WDR27: variants seen among roughly 807,000 people sequenced by gnomAD.
WDR27 encodes the protein WD repeat domain 27.
In WDR27, 100 loss-of-function variants were observed where a neutral mutation model predicts 114.4. The ratio of observed to expected loss-of-function variants is 0.87; its 90% CI spans 0.74 to 1.03. The LOEUF is 1.03. WDR27 is among the 50% of genes least tolerant of loss of function. WDR27 has a pLI of 0.00. For synonymous variants in WDR27, 449 were observed against 423.1 expected, an observed-to-expected ratio of 1.06 and a Z score of -0.75; for missense variants, 1,129 against 1,092.9, an observed-to-expected ratio of 1.03 and a Z score of -0.47.
intron 2 of WDR27, among the ~76,000 whole-genome samples, chr6:169,675,305 G>T (rs982592766): frequency 6.6e-6 from 1 of 152,144 alleles, no homozygotes; most frequent in African/African-American, 2.4e-5. Context: ...CCCATGCCTT[G>T]CTCCTGTTTT....
At chr6:169,583,463 T>TTGTG (rs150919690) in intron 23 of WDR27, among the ~76,000 whole-genome samples, 156 of 103,562 alleles carry the variant, frequency 1.5e-3, no homozygotes, top group African/African-American at 5.7e-3. Flanking sequence ...TCCTCTTTAA[T>TTGTG]TGTGTGTGTG....
intron 21 of WDR27, among the ~76,000 whole-genome samples, chr6:169,616,088 CA>C (rs965929122): frequency 4.6e-5 from 7 of 151,764 alleles, no homozygotes; most frequent in African/African-American, 1.7e-4. Flanking sequence ...ACAGTTTCTT[CA>C]AAAAAATGAT....
intron 1 of WDR27, among the ~76,000 whole-genome samples, chr6:169,697,784 TA>T (rs1786605216): frequency 6.6e-6 from 1 of 152,196 alleles, no homozygotes; most frequent in African/African-American, 2.4e-5. Context: ...CCACTCTCCT[TA>T]TCCTGCCCCT....
At chr6:169,517,698 A>C (rs1793849365) in intron 25 of WDR27, among the ~76,000 whole-genome samples, 1 of 152,148 alleles carries the variant, frequency 6.6e-6, no homozygotes, top group South Asian at 2.1e-4. Flanking sequence ...GGAATGCCTT[A>C]ATTTCTTCTA....
At chr6:169,624,323 G>C (rs1158494500) in intron 21 of WDR27, among the ~76,000 whole-genome samples, 1 of 152,178 alleles carries the variant, frequency 6.6e-6, no homozygotes, top group Admixed American at 6.5e-5. Context: ...GCGGCGTGTG[G>C]CATCAGATAC....
intron 25 of WDR27, among the ~76,000 whole-genome samples, chr6:169,490,973 C>T (rs937522045): frequency 6.6e-6 from 1 of 152,180 alleles, no homozygotes; most frequent in African/African-American, 2.4e-5. Flanking sequence ...GCCATCCGTA[C>T]ACCACTCATC....
At chr6:169,571,480 T>A (rs1025451695) in intron 25 of WDR27, among the ~76,000 whole-genome samples, 1 of 152,184 alleles carries the variant, frequency 6.6e-6, no homozygotes, top group African/African-American at 2.4e-5. Context: ...AAAAGAGCCA[T>A]GCTATCCTGG....
the WDR27 span, among the ~76,000 whole-genome samples, chr6:169,437,922 TAG>T: frequency 6.6e-6 from 1 of 152,156 alleles, no homozygotes; most frequent in Non-Finnish European, 1.5e-5. Context: ...ACTTTTATGT[TAG>T]ATTCAGCGGG....
chr6:169,445,331 A>G, the WDR27 span, among the ~76,000 whole-genome samples: 20 of 152,206 alleles, frequency 1.3e-4, no homozygotes, highest in South Asian at 2.5e-3. Flanking sequence ...AAATACACAG[A>G]GGAGACTTCC....
At chr6:169,586,207 C>T (rs9371149) in intron 23 of WDR27, among the ~76,000 whole-genome samples, 16,075 of 152,166 alleles carry the variant, frequency 0.11, 1,880 homozygotes, top group East Asian at 0.58. Context: ...GCCATATCCA[C>T]GATCTCTTTC....
At chr6:169,653,969 C>A (rs1823308197) in intron 13 of WDR27, among the ~76,000 whole-genome samples, 1 of 152,210 alleles carries the variant, frequency 6.6e-6, no homozygotes, top group Admixed American at 6.5e-5. Flanking sequence ...CTTAAAAGGC[C>A]GGAAGCTGTG....
intron 21 of WDR27, among the ~76,000 whole-genome samples, chr6:169,630,162 T>A (rs1815982633): frequency 6.6e-6 from 1 of 152,216 alleles, no homozygotes; most frequent in Non-Finnish European, 1.5e-5. Flanking sequence ...AATCTTTATC[T>A]TTAGATACAT....
rs551280023 is a variant in WDR27, at chr6:169,630,766, C to T, written c.2223+2181G>A. Among the ~76,000 whole-genome samples, 6 of 152,144 alleles carry T rather than the reference C, an allele frequency of 3.9e-5. No individual in the cohort carries two copies. The South Asian group carries it at 8.3e-4, about 21-fold the overall frequency. On this transcript the variant is annotated intron_variant, in intron 21 of 25. Coordinates refer to ENST00000448612, the MANE Select transcript of WDR27 (RefSeq NM_182552.5). ...AAAATTAGCCAGGCGTGGTGGCACG[C>T]GCCTGTAATCCCAGCTACTCGGGAG...
chr6:169,592,214 A>G (rs9295018), intron 23 of WDR27, among the ~76,000 whole-genome samples: 87,447 of 152,036 alleles, frequency 0.58, 27,368 homozygotes, highest in Non-Finnish European at 0.69. Flanking sequence ...TCAGTCTAAC[A>G]GTACAGCTAC....
intron 25 of WDR27, among the ~76,000 whole-genome samples, chr6:169,568,546 A>C (rs1294649046): frequency 6.6e-6 from 1 of 152,224 alleles, no homozygotes; most frequent in Non-Finnish European, 1.5e-5. Flanking sequence ...GATGATGTAG[A>C]AGACCCAGTT....
intron 25 of WDR27, among the ~76,000 whole-genome samples, chr6:169,500,368 A>G (rs1421294844): frequency 6.6e-6 from 1 of 152,100 alleles, no homozygotes. Flanking sequence ...GTTATCCATT[A>G]CTGTCTCACA....
chr6:169,639,526 C>A (rs1326019023), intron 17 of WDR27, among the ~76,000 whole-genome samples: 1 of 151,784 alleles, frequency 6.6e-6, no homozygotes, highest in Non-Finnish European at 1.5e-5. Context: ...TTTGTTGTGA[C>A]AGATTTGAAA....
intron 25 of WDR27, among the ~76,000 whole-genome samples, chr6:169,568,036 G>A (rs909785106): frequency 1.3e-5 from 2 of 152,184 alleles, no homozygotes; most frequent in African/African-American, 2.4e-5. Context: ...GGGAGCTGCC[G>A]AAACCGCACT....
chr6:169,692,163 GAAATATA>G (rs2128305665), intron 1 of WDR27, among the ~76,000 whole-genome samples: 1 of 152,328 alleles, frequency 6.6e-6, no homozygotes, highest in African/African-American at 2.4e-5. Context: ...GCAGCCAAGC[GAAATATA>G]AAAGTAGAAG....
Sources: gnomAD v4.1 joint callset for allele counts (sites outside exome capture counted in the v4.1 genomes callset) on GRCh38, gnomAD v4.1.1 for gene constraint, MANE v1.5 for transcripts, NCBI Gene and HGNC (gene_info 2026-07-23, HGNC 2026-07-21) for gene names.